The following WDR19 variants were observed in gnomAD, a reference collection of about 807,000 sequenced individuals.
The protein encoded by WDR19 is WD repeat-containing protein 19.
Under a neutral mutation model 180.0 loss-of-function variants are expected in WDR19, and 121 were observed. The ratio of observed to expected loss-of-function variants is 0.67; its 90% CI spans 0.58 to 0.78. The LOEUF (loss-of-function observed/expected upper bound fraction) is 0.78, where lower values mean the gene tolerates loss of function less well. WDR19 is among the 30% of genes least tolerant of loss of function. The pLI is 0.00. For synonymous variants in WDR19, 497 were observed against 540.7 expected, an observed-to-expected ratio of 0.92 and a Z score of 1.12; for missense variants, 1,450 against 1,640.7, an observed-to-expected ratio of 0.88 and a Z score of 2.01.
intron 36 of WDR19, among the ~76,000 whole-genome samples, chr4:39,283,604 C>T (rs7662880): frequency 0.51 from 77,288 of 151,586 alleles, 21,280 homozygotes; most frequent in African/African-American, 0.73. Context: ...TATATATATA[C>T]ACACACACAC....
chr4:39,278,430 A>C, intron 35 of WDR19, 109 bp from the exon 36 acceptor site: 3 of 852,928 alleles, frequency 3.5e-6, no homozygotes, highest in Non-Finnish European at 5.5e-6. Context: ...CATGGTGGAC[A>C]TGTGTTAAGA....
intron 5 of WDR19, among the ~76,000 whole-genome samples, chr4:39,195,756 C>T (rs1726685763): frequency 6.6e-6 from 1 of 152,142 alleles, no homozygotes. Context: ...GATCATGGCA[C>T]CCACAGATAC....
At chr4:39,219,902 T>G (rs748941708) in intron 14 of WDR19, among the ~76,000 whole-genome samples, 9 of 152,286 alleles carry the variant, frequency 5.9e-5, no homozygotes, top group Non-Finnish European at 1.2e-4. Flanking sequence ...ATTAAGTTGT[T>G]AGAAAATGCT....
chr4:39,196,442 G>A (rs1726757430), intron 5 of WDR19, among the ~76,000 whole-genome samples: 1 of 152,090 alleles, frequency 6.6e-6, no homozygotes, highest in Admixed American at 6.5e-5. Flanking sequence ...CAAATTGTTA[G>A]GCCAATGTTT....
At chr4:39,282,343 G>T (rs139389163) in intron 36 of WDR19, among the ~76,000 whole-genome samples, 18 of 152,204 alleles carry the variant, frequency 1.2e-4, no homozygotes, top group African/African-American at 4.3e-4. Flanking sequence ...TATGAATATG[G>T]TATATCTCTA....
chr4:39,254,361 A>G (rs1733548871), intron 26 of WDR19, among the ~76,000 whole-genome samples: 1 of 152,258 alleles, frequency 6.6e-6, no homozygotes, highest in African/African-American at 2.4e-5. Context: ...TAGGAAATGC[A>G]AGATGATTTT....
intron 6 of WDR19, among the ~76,000 whole-genome samples, chr4:39,201,130 C>T (rs989764479): frequency 5.9e-5 from 9 of 152,128 alleles, no homozygotes; most frequent in African/African-American, 1.9e-4. Flanking sequence ...AAGTCACCTA[C>T]GTACCTCTGC....
At chr4:39,222,772 G>A (rs934132123) in intron 14 of WDR19, among the ~76,000 whole-genome samples, 1 of 152,130 alleles carries the variant, frequency 6.6e-6, no homozygotes, top group African/African-American at 2.4e-5. Context: ...ACAACGCAGA[G>A]AGAAGTCCTA....
chr4:39,282,693 C>T (rs1293876831), intron 36 of WDR19, among the ~76,000 whole-genome samples: 10 of 152,116 alleles, frequency 6.6e-5, no homozygotes, highest in East Asian at 1.9e-4. Context: ...CCACCGTGCC[C>T]GGCCTATTTT....
chr4:39,265,735 G>A (rs1734720416), intron 28 of WDR19, among the ~76,000 whole-genome samples: 1 of 137,858 alleles, frequency 7.3e-6, no homozygotes, highest in African/African-American at 2.8e-5. Context: ...TCATGCCACT[G>A]CACTCCAGCC....
At chr4:39,191,769 T>C (rs1227907149) in intron 4 of WDR19, among the ~76,000 whole-genome samples, 1 of 152,248 alleles carries the variant, frequency 6.6e-6, no homozygotes, top group Non-Finnish European at 1.5e-5. Context: ...CTACTCAGTG[T>C]CTTTTTAAAT....
chr4:39,183,266 T>TTTTTTTTTTTTTTTTTTC, intron 1 of WDR19, among the ~76,000 whole-genome samples: 1 of 144,226 alleles, frequency 6.9e-6, no homozygotes, highest in Non-Finnish European at 1.5e-5. Flanking sequence ...TTTTTTTTTT[T>TTTTTTTTTTTTTTTTTTC]TTTTACTGAG....
At chr4:39,223,086 T>C (rs778495059) in intron 14 of WDR19, among the ~76,000 whole-genome samples, 5 of 152,188 alleles carry the variant, frequency 3.3e-5, no homozygotes, top group Non-Finnish European at 5.9e-5. Flanking sequence ...ATGGTATGGA[T>C]GTACTTAGTT....
At chr4:39,189,854 C>A (rs1353864312) in intron 4 of WDR19, 73 bp downstream of exon 4, 2 of 1,441,474 alleles carry the variant, frequency 1.4e-6, no homozygotes, top group East Asian at 2.5e-5. Context: ...GCTAACAATT[C>A]TTTACTACTT....
At chr4:39,239,396 C>T (rs1731686104) in intron 20 of WDR19, among the ~76,000 whole-genome samples, 1 of 151,810 alleles carries the variant, frequency 6.6e-6, no homozygotes, top group Non-Finnish European at 1.5e-5. Flanking sequence ...TGACAGCCCT[C>T]CAGATTCCCT....
chr4:39,245,276 T>C, intron 23 of WDR19, 93 bp from the exon 24 acceptor site: 1 of 1,059,112 alleles, frequency 9.4e-7, no homozygotes, highest in Non-Finnish European at 1.3e-6. Context: ...TAATAACTGG[T>C]TTTTGAATCC....
intron 20 of WDR19, among the ~76,000 whole-genome samples, chr4:39,239,589 G>A (rs1445150733): frequency 6.6e-6 from 1 of 152,092 alleles, no homozygotes; most frequent in Non-Finnish European, 1.5e-5. Flanking sequence ...TAGGTGATGG[G>A]TTGATAGGTA....
intron 6 of WDR19, 137 bp downstream of exon 6, chr4:39,199,730 A>G (rs1207711482): frequency 3.4e-6 from 2 of 596,728 alleles, no homozygotes; most frequent in Non-Finnish European, 5.6e-6. Context: ...ATACACAATA[A>G]CTTCAAAAAC....
chr4:39,260,629 C>A (rs1191639792), intron 28 of WDR19, among the ~76,000 whole-genome samples: 1 of 152,282 alleles, frequency 6.6e-6, no homozygotes, highest in Admixed American at 6.5e-5. Context: ...GCATGAGCCA[C>A]CACACCCAGC....
Sources: allele counts gnomAD v4.1 joint callset (sites outside exome capture counted in the v4.1 genomes callset), GRCh38; gene constraint gnomAD v4.1.1; transcripts MANE v1.5; gene names NCBI Gene and HGNC (gene_info 2026-07-23, HGNC 2026-07-21).